The following ZNF621 variants were observed in gnomAD, a reference collection of about 807,000 sequenced individuals.
ZNF621 encodes zinc finger protein 621.
Under a neutral mutation model 12.7 loss-of-function variants are expected in ZNF621, and 6 were observed. That is an observed-to-expected ratio of 0.47 (90% confidence interval 0.26 to 0.93). The LOEUF is 0.93. ZNF621 is among the 40% of genes least tolerant of loss of function. The pLI, the probability that ZNF621 is intolerant of heterozygous loss-of-function variation, is 0.15. For synonymous variants in ZNF621, 156 were observed against 190.3 expected, an observed-to-expected ratio of 0.82 and a Z score of 1.48; for missense variants, 474 against 524.0, an observed-to-expected ratio of 0.90 and a Z score of 0.93.
In ZNF621 at chr3:40,532,221, T is replaced by A. The variant is rs767085802; in HGVS notation, c.451T>A (p.Tyr151Asn). The A allele has an allele frequency of 7.4e-6, 12 of 1,614,206 alleles. No individual in the cohort carries two copies. Among genetic ancestry groups the A allele is most frequent in the Non-Finnish European group, 7.6e-6 (9 of 1,180,044 alleles). The change falls in exon 5 of 5, where the codon TAT becomes AAT. Residue 151 changes from tyrosine to asparagine, a missense_variant. Transcript: ENST00000339296. ...GATACTTCGAGGTGGAATGAAGTTC[T>A]ATGAATGTAAAGAATGTGGGAAAAT... Reference protein sequence around the residue: ...NLILRGGMKFYECKECGKIFR... With the variant: ...NLILRGGMKFNECKECGKIFR...
chr3:40,531,748 G>A (rs1698730487), intron 4 of ZNF621, among the ~76,000 whole-genome samples: 1 of 151,892 alleles, frequency 6.6e-6, no homozygotes, highest in Admixed American at 6.6e-5. Context: ...TTTTTTTGTG[G>A]AGATGGGGTT....
Position 40,532,069 on chromosome 3 carries a change from A to T in ZNF621, c.299A>T (p.Lys100Met). 1 of 1,613,830 alleles carries T rather than the reference A, an allele frequency of 6.2e-7. No homozygotes were observed. The highest frequency in any genetic ancestry group is 8.5e-7 in the Non-Finnish European group (1 of 1,179,944). ...ATCAAAAATGAAGGGCTAGTTATAA[A>T]GCAGGAAGCCTCTGAAGAAACAGAG... ...SWIKNEGLVI[K>M]QEASEETELH... Residue 100 changes from lysine to methionine, a missense_variant, in exon 5 of 5, where the codon AAG (lysine) becomes ATG (methionine). By Grantham distance (95) the Lys-to-Met change is moderately conservative (BLOSUM62 -1). Transcript: ENST00000339296.
Position 40,532,802 on chromosome 3 carries a change from G to A in ZNF621, c.1032G>A (p.Glu344=), listed in dbSNP as rs757083728. Residue 344 remains glutamate, a synonymous_variant, in exon 5 of 5, where the codon GAG becomes GAA. Coordinates refer to ENST00000339296, the MANE Select transcript of ZNF621 (RefSeq NM_198484.5). ...FVQHQKLHPV[E]KKPVKVLGPS... ...AGCATCAGAAATTGCACCCTGTGGAGAAGAAGCCAGTCAAGGTCCTTGGGC... is the reference window on the plus strand; with the variant it reads ...AGCATCAGAAATTGCACCCTGTGGAAAAGAAGCCAGTCAAGGTCCTTGGGC... 1.9e-5 allele frequency: 30 copies of A among 1,614,198 alleles called. 2 individuals carry two copies. The South Asian group carries it at 3.0e-4, about 16-fold the overall frequency.
In ZNF621 at chr3:40,532,758, T is replaced by A. The variant is rs143694900; in HGVS notation, c.988T>A (p.Trp330Arg). 2.4e-5 allele frequency: 39 copies of A among 1,614,042 alleles called. No individual in the cohort carries two copies. The highest frequency in any genetic ancestry group is 3.1e-5 in the Non-Finnish European group (37 of 1,180,038). Residue 330 changes from tryptophan to arginine, a missense_variant, in exon 5 of 5, where the codon TGG (tryptophan) becomes AGG (arginine). Coordinates refer to ENST00000339296, the MANE Select transcript of ZNF621 (RefSeq NM_198484.5). ...ECKVCGKAFK[W>R]YGSFVQHQKL... ...TAAGGTGTGTGGGAAAGCCTTCAAA[T>A]GGTATGGAAGTTTTGTTCAGCATCA...
upstream of ZNF621, chr3:40,524,834 C>T (rs967394481): frequency 1.3e-5 from 2 of 152,388 alleles, no homozygotes; most frequent in African/African-American, 4.8e-5. Flanking sequence ...TCAGCCCAGC[C>T]GGTCGCCGCA....
rs1698795888 is a variant in ZNF621 at position 40,533,729 on chromosome 3, G to A, written c.*639G>A. ...AGGCCATTATGATTAGAGATAAGCA[G>A]CCTGGGAGAAACATACAAGACCTGT... On this transcript the variant is annotated 3_prime_UTR_variant, in exon 5 of 5. Coordinates refer to ENST00000339296, the MANE Select transcript of ZNF621 (RefSeq NM_198484.5). 6.6e-6 allele frequency: 1 copy of A among 152,600 alleles called. No individual in the cohort carries two copies. The highest frequency in any genetic ancestry group is 2.1e-4 in the South Asian group (1 of 4,852). 9.5% of individuals were successfully genotyped at this position (152,600 alleles called of 1,614,324 possible).
In ZNF621 at chr3:40,535,875, A is replaced by G. The variant is rs1434541393; in HGVS notation, c.*2785A>G. 1 of 152,176 alleles carries G rather than the reference A, an allele frequency of 6.6e-6. No individual in the cohort carries two copies. Among genetic ancestry groups the G allele is most frequent in the African/African-American group, 2.4e-5 (1 of 41,438 alleles). The allele number at this position is 152,176 out of a possible 1,614,324, so 9.4% of individuals were successfully genotyped here. A position where few individuals can be genotyped will look rare whatever the true frequency, so the allele number is the denominator to read the frequency against. ...AAAGATTAGTTTCATCAAGATTTCA[A>G]TTTTTATCAATTCATAAATTAAAAA... On this transcript the variant is annotated 3_prime_UTR_variant, in exon 5 of 5. Coordinates refer to ENST00000339296, the MANE Select transcript of ZNF621 (RefSeq NM_198484.5).
chr3:40,526,221 G>A (rs1698578961), intron 2 of ZNF621, among the ~76,000 whole-genome samples: 1 of 152,216 alleles, frequency 6.6e-6, no homozygotes, highest in African/African-American at 2.4e-5. Flanking sequence ...AAGCTGGAGT[G>A]TAGTGGCACT....
chr3:40,525,555 C>CA, intron 1 of ZNF621: 3 of 598,114 alleles, frequency 5.0e-6, no homozygotes, highest in East Asian at 2.8e-5. Context: ...CGAATGGGCT[C>CA]AAAAAAAGCT....
rs1698926996 is a variant in ZNF621 at position 40,538,587 on chromosome 3, T to C, written c.*5497T>C. ...GGTCACCCAAGAGTTCTGATGGAGA[T>C]GTACAAAGAGATTAATGTTTTTATG... On this transcript the variant is annotated 3_prime_UTR_variant, in exon 5 of 5. Coordinates refer to ENST00000339296, the MANE Select transcript of ZNF621 (RefSeq NM_198484.5). 1 of 154,458 alleles carries C rather than the reference T, an allele frequency of 6.5e-6. No homozygotes were observed. Among genetic ancestry groups the C allele is most frequent in the Non-Finnish European group, 1.4e-5 (1 of 69,528 alleles). 9.6% of individuals were successfully genotyped at this position (154,458 alleles called of 1,614,324 possible).
Position 40,539,496 on chromosome 3 carries a change from ATAGAT to A in ZNF621, c.*6409_*6413del, listed in dbSNP as rs1343890874. 6.6e-6 allele frequency: 1 copy of A among 152,268 alleles called. No individual in the cohort carries two copies. Among genetic ancestry groups the A allele is most frequent in the Non-Finnish European group, 1.5e-5 (1 of 68,046 alleles). The allele number at this position is 152,268 out of a possible 1,614,324, so 9.4% of individuals were successfully genotyped here. ...TATTGCAAACTTAATAGACTATAAT[ATAGAT>A]TAAACATAACTTTTATAGGTACTGG... On this transcript the variant is annotated 3_prime_UTR_variant, in exon 5 of 5. Coordinates refer to ENST00000339296, the MANE Select transcript of ZNF621 (RefSeq NM_198484.5).
chr3:40,532,152 A>G lies in ZNF621; in HGVS notation c.382A>G (p.Lys128Glu). 6.2e-7 allele frequency: 1 copy of G among 1,614,238 alleles called. No homozygotes were observed. The change falls in exon 5 of 5, where the codon AAA becomes GAA. Residue 128 changes from lysine to glutamate, a missense_variant. By Grantham distance (56) the Lys-to-Glu change is moderately conservative (BLOSUM62 1). Coordinates refer to ENST00000339296, the MANE Select transcript of ZNF621 (RefSeq NM_198484.5). The part of the protein sequence containing the change: ...LRNVSQHFDF[K>E]RKALKQTFNL... The stretch of plus-strand genomic sequence containing the variant: ...GAACGTTTCTCAGCACTTTGATTTT[A>G]AAAGGAAGGCACTGAAGCAGACTTT...
chr3:40,528,255 A>G (rs58749377), intron 2 of ZNF621, among the ~76,000 whole-genome samples: 3,249 of 152,220 alleles, frequency 0.021, 63 homozygotes, highest in South Asian at 0.091. Flanking sequence ...AGTACGTAGC[A>G]TTTTCAGATT....
upstream of ZNF621, among the ~76,000 whole-genome samples, chr3:40,523,576 T>C (rs1397664036): frequency 6.6e-6 from 1 of 152,120 alleles, no homozygotes; most frequent in Non-Finnish European, 1.5e-5. Flanking sequence ...CCATCCTGGC[T>C]AACACGGTGA....
Position 40,533,413 on chromosome 3 carries a change from T to C in ZNF621, c.*323T>C, listed in dbSNP as rs2125678285. On this transcript the variant is annotated 3_prime_UTR_variant, in exon 5 of 5. Transcript: ENST00000339296. ...GCCTTGGCCCCCCAAAGTGCTGGGA[T>C]TACAGGAGTGAGCCACTGTGCCCAG... is the stretch of plus-strand genomic sequence containing the variant. 1 of 290,700 alleles carries C rather than the reference T, an allele frequency of 3.4e-6. No homozygotes were observed. The highest frequency in any genetic ancestry group is 7.2e-5 in the East Asian group (1 of 13,902). The allele number at this position is 290,700 out of a possible 1,614,324, so 18.0% of individuals were successfully genotyped here.
At chr3:40,530,865 C>T (rs1386045812) in intron 4 of ZNF621, among the ~76,000 whole-genome samples, 3 of 152,170 alleles carry the variant, frequency 2.0e-5, no homozygotes, top group Non-Finnish European at 2.9e-5. Flanking sequence ...ATTCTCCCAT[C>T]ATAGCCCCCT....
Position 40,532,130 on chromosome 3 carries a change from C to T in ZNF621, c.360C>T (p.Asn120=), listed in dbSNP as rs189638815. The part of the protein sequence containing the change: ...HRMPVGGLLR[N]VSQHFDFKRK... ...TGCCAGTAGGAGGACTTCTCAGGAA[C>T]GTTTCTCAGCACTTTGATTTTAAAA... The change falls in exon 5 of 5, where the codon AAC becomes AAT. Residue 120 remains asparagine, a synonymous_variant. Transcript: ENST00000339296. 2.6e-4 allele frequency: 421 copies of T among 1,614,118 alleles called. No homozygotes were observed. In the East Asian group the frequency reaches 4.5e-3, roughly 17 times the overall value.
rs1234920921 is a variant in ZNF621 at position 40,525,098 on chromosome 3, G to A, written c.-239G>A. On this transcript the variant is annotated 5_prime_UTR_variant, in exon 1 of 5. Transcript: ENST00000339296. ...CGGCTCGTCAGCCCCCACTACCCCT[G>A]AACTTGGTCCCAATGGCGGCCCGCC... The A allele has an allele frequency of 3.3e-5, 5 of 152,450 alleles. No individual in the cohort carries two copies. Among genetic ancestry groups the A allele is most frequent in the African/African-American group, 9.6e-5 (4 of 41,462 alleles). 9.4% of individuals were successfully genotyped at this position (152,450 alleles called of 1,614,324 possible). A position where few individuals can be genotyped will look rare whatever the true frequency, so the allele number is the denominator to read the frequency against.
chr3:40,529,600 GT>G (rs1301116516), intron 3 of ZNF621, 155 bp downstream of exon 3: 1 of 1,529,694 alleles, frequency 6.5e-7, no homozygotes, highest in East Asian at 2.5e-5. Context: ...GGTTCTCTTT[GT>G]TTTTTGTTTG....
Sources: allele counts gnomAD v4.1 joint callset (sites outside exome capture counted in the v4.1 genomes callset), GRCh38; gene constraint gnomAD v4.1.1; transcripts MANE v1.5; gene names NCBI Gene and HGNC (gene_info 2026-07-23, HGNC 2026-07-21).